Variants in GNG7 observed in about 807,000 individuals in gnomAD.
GNG7 encodes the protein G protein subunit gamma 7.
Under a neutral mutation model 4.0 loss-of-function variants are expected in GNG7, and 1 was observed. The observed-to-expected ratio is 0.25, with a 90% CI of 0.09 to 1.18. The LOEUF (loss-of-function observed/expected upper bound fraction) is 1.18. GNG7 is among the 50% of genes most tolerant of loss of function. The probability of loss-of-function intolerance (pLI) is 0.50; values close to 1 mark genes in which losing one functional copy is unlikely to be tolerated. For synonymous variants in GNG7, 34 were observed against 36.9 expected, an observed-to-expected ratio of 0.92 and a Z score of 0.29; for missense variants, 86 against 91.9, an observed-to-expected ratio of 0.94 and a Z score of 0.26.
In GNG7 at chr19:2,557,309, G is replaced by A. The variant is rs559151928; in HGVS notation, c.-77-2121C>T. On this transcript the variant is annotated intron_variant, in intron 2 of 4. Transcript: ENST00000382159. This position sits in a 1 kb window ranked among gnomAD's most constrained non-coding sequence, Gnocchi z 5.1. The stretch of plus-strand genomic sequence containing the variant: ...TGCACACACAGAGGTGCACATACAC[G>A]CACAGACACACATGTGCACACAGAC... Among the ~76,000 whole-genome samples the A allele has an allele frequency of 1.7e-4, 21 of 121,064 alleles. No homozygotes were observed. Among genetic ancestry groups the A allele is most frequent in the East Asian group, 2.3e-4 (1 of 4,350 alleles). The allele number at this position is 121,064 out of a possible 152,430, so 79.4% of individuals were successfully genotyped here.
chr19:2,585,493 A>G (rs1980644564), intron 2 of GNG7, among the ~76,000 whole-genome samples: 1 of 110,264 alleles, frequency 9.1e-6, no homozygotes, highest in Admixed American at 9.3e-5. Context: ...TTGAGTATAA[A>G]GAGTATACGA....
At chr19:2,522,631 AG>A (rs1446647843) in intron 3 of GNG7, among the ~76,000 whole-genome samples, 1 of 150,990 alleles carries the variant, frequency 6.6e-6, no homozygotes, top group Non-Finnish European at 1.5e-5. Flanking sequence ...GGGTGCCTGT[AG>A]TCCCAGCTAC....
intron 2 of GNG7, among the ~76,000 whole-genome samples, chr19:2,638,492 G>A (rs1982388036): frequency 7.0e-5 from 2 of 28,500 alleles, no homozygotes; most frequent in African/African-American, 2.3e-4. Context: ...GGGAAGGGGA[G>A]GGGAGGGGAA....
At chr19:2,534,513 G>A (rs181741091) in intron 3 of GNG7, among the ~76,000 whole-genome samples, 18 of 152,334 alleles carry the variant, frequency 1.2e-4, no homozygotes, top group African/African-American at 3.6e-4. Flanking sequence ...CTTCTCTGAT[G>A]CATGGCTCCA....
chr19:2,523,745 G>A (rs1212296726), intron 3 of GNG7, among the ~76,000 whole-genome samples: 1 of 152,118 alleles, frequency 6.6e-6, no homozygotes, highest in Admixed American at 6.6e-5. Context: ...CACCAGGGAC[G>A]GCCGGGGAAT....
rs545255142 is a variant in GNG7 at position 2,671,130 on chromosome 19, A to G, written c.-134-24850T>C. On this transcript the variant is annotated intron_variant, in intron 1 of 4. Coordinates refer to ENST00000382159, the MANE Select transcript of GNG7 (RefSeq NM_052847.3). ...TCTCTGTGGTCACCCTGGGCACGGC[A>G]GGGTGCTGAGCAGCATCCTTGGCCT... 5.0e-3 allele frequency among the ~76,000 whole-genome samples: 762 copies of G among 152,006 alleles called. 6 individuals carry two copies. Among genetic ancestry groups the G allele is most frequent in the Non-Finnish European group, 8.5e-3 (575 of 67,960 alleles).
chr19:2,516,245 T>A lies in GNG7; in HGVS notation c.82-1098A>T, dbSNP rs182013958. Reference sequence around the variant, plus strand: ...TAAGATAAATAAACAAATAAATAAATTTATGTGTGTCTTTTCCCAAAATTA... The same window carrying A: ...TAAGATAAATAAACAAATAAATAAAATTATGTGTGTCTTTTCCCAAAATTA... On this transcript the variant is annotated intron_variant, in intron 4 of 4. Transcript: ENST00000382159. 3.3e-5 allele frequency among the ~76,000 whole-genome samples: 5 copies of A among 151,936 alleles called. No homozygotes were observed. The East Asian group carries it at 9.7e-4, about 29-fold the overall frequency.
chr19:2,655,339 T>C (rs1252141226), intron 1 of GNG7, among the ~76,000 whole-genome samples: 2 of 152,062 alleles, frequency 1.3e-5, no homozygotes, highest in Admixed American at 1.3e-4. Context: ...AGATCATTAA[T>C]CAGCCAGGAA....
intron 2 of GNG7, among the ~76,000 whole-genome samples, chr19:2,578,002 T>G (rs2144788213): frequency 6.6e-6 from 1 of 152,072 alleles, no homozygotes; most frequent in Admixed American, 6.6e-5. Flanking sequence ...CACGCCCGGC[T>G]AATTCTTTTA....
At chr19:2,564,141 A>G in intron 2 of GNG7, among the ~76,000 whole-genome samples, 1 of 152,176 alleles carries the variant, frequency 6.6e-6, no homozygotes, top group Admixed American at 6.6e-5. Flanking sequence ...GTGTCCCGCA[A>G]AAGCTCACGT....
At chr19:2,613,080 G>A (rs1981620420) in intron 2 of GNG7, among the ~76,000 whole-genome samples, 1 of 152,128 alleles carries the variant, frequency 6.6e-6, no homozygotes, top group Non-Finnish European at 1.5e-5. Context: ...CCTGCAGCCA[G>A]GTAGAACCAG....
chr19:2,511,899 G>A lies in GNG7; in HGVS notation c.*3123C>T. On this transcript the variant is annotated 3_prime_UTR_variant, in exon 5 of 5. Transcript: ENST00000382159. The surrounding 1 kb of genome is among the most constrained non-coding windows in gnomAD (Gnocchi z 6.3). ...TCTGGCTCCTTCCTGGAGAGAGGAG[G>A]GCAGGGGAGGCGGAGCTGGTCCGGG... The A allele has an allele frequency of 1.0e-6, 1 of 986,342 alleles. No individual in the cohort carries two copies. Among genetic ancestry groups the A allele is most frequent in the Non-Finnish European group, 1.2e-6 (1 of 830,326 alleles). 61.1% of individuals were successfully genotyped at this position (986,342 alleles called of 1,614,324 possible).
At position 2,591,589 on chromosome 19, in the gene GNG7, C is replaced by T. The variant is rs1980853269; in HGVS notation, c.-77-36401G>A. Among the ~76,000 whole-genome samples, 4 of 151,640 alleles carry T rather than the reference C, an allele frequency of 2.6e-5. No homozygotes were observed. The South Asian group carries it at 8.3e-4, about 32-fold the overall frequency. On this transcript the variant is annotated intron_variant, in intron 2 of 4. Transcript: ENST00000382159. Reference sequence around the variant, plus strand: ...AGTTGGGGGAAAGTCTATCCCAAGGCTCCAGCCCAAAGGAAGCTCTCTTCT... The same window carrying T: ...AGTTGGGGGAAAGTCTATCCCAAGGTTCCAGCCCAAAGGAAGCTCTCTTCT...
intron 2 of GNG7, among the ~76,000 whole-genome samples, chr19:2,578,418 C>T (rs913315859): frequency 6.6e-6 from 1 of 152,170 alleles, no homozygotes; most frequent in Admixed American, 6.5e-5. Context: ...TTCCTGAATG[C>T]TTGCTCCGAT....
intron 3 of GNG7, among the ~76,000 whole-genome samples, chr19:2,551,019 A>AGCATAGGGACCTAATCCCC (rs1233017077): frequency 1.1e-4 from 16 of 152,200 alleles, no homozygotes; most frequent in Non-Finnish European, 4.4e-5. Context: ...CAGATGCTGC[A>AGCATAGGGACCTAATCCCC]GCATAGGGAC....
At chr19:2,529,040 T>C (rs1251475841) in intron 3 of GNG7, among the ~76,000 whole-genome samples, 2 of 152,192 alleles carry the variant, frequency 1.3e-5, no homozygotes, top group Non-Finnish European at 2.9e-5. Context: ...TCCCCTGACC[T>C]GCCCTGAGGC....
At chr19:2,681,902 T>C (rs1250385108) in intron 1 of GNG7, among the ~76,000 whole-genome samples, 1 of 152,120 alleles carries the variant, frequency 6.6e-6, no homozygotes, top group Non-Finnish European at 1.5e-5. Flanking sequence ...GTGAAACTGA[T>C]AGTTTCTGTT....
intron 3 of GNG7, among the ~76,000 whole-genome samples, chr19:2,523,174 G>A (rs1006479419): frequency 2.0e-5 from 3 of 151,648 alleles, no homozygotes; most frequent in South Asian, 4.2e-4. Context: ...GCCCAAGGAC[G>A]AAATTTTAGA....
At position 2,567,134 on chromosome 19, in the gene GNG7, A is replaced by C. The variant is rs1466852364; in HGVS notation, c.-77-11946T>G. 2.9e-3 allele frequency among the ~76,000 whole-genome samples: 198 copies of C among 68,430 alleles called. 1 individual carries two copies. The highest frequency in any genetic ancestry group is 2.9e-3 in the Non-Finnish European group (105 of 36,536). The allele number at this position is 68,430 out of a possible 152,430, so 44.9% of individuals were successfully genotyped here. A position where few individuals can be genotyped will look rare whatever the true frequency, so the allele number is the denominator to read the frequency against. On this transcript the variant is annotated intron_variant, in intron 2 of 4. Transcript: ENST00000382159. Reference sequence around the variant, plus strand: ...CTCAAAAAAAAAAACAAAAAAAACAAAAAAAAAACAAAAAAAAAAACACAA... The same window carrying C: ...CTCAAAAAAAAAAACAAAAAAAACACAAAAAAAACAAAAAAAAAAACACAA...
Sources: gnomAD v4.1 joint callset for allele counts (sites outside exome capture counted in the v4.1 genomes callset) on GRCh38, gnomAD v4.1.1 for gene constraint, Gnocchi (gnomAD v3.1) non-coding constraint, MANE v1.5 for transcripts, NCBI Gene and HGNC (gene_info 2026-07-23, HGNC 2026-07-21) for gene names.